Variants in DHX35 observed in about 807,000 individuals in gnomAD.
The protein encoded by DHX35 is DEAH-box helicase 35, also known as probable ATP-dependent RNA helicase DHX35.
DHX35 carries 84 observed loss-of-function variants against 99.6 expected under a neutral mutation model. The observed-to-expected ratio is 0.84, with a 90% CI of 0.71 to 1.01. The LOEUF is 1.01. DHX35 is among the 50% of genes least tolerant of loss of function. The pLI, the probability that DHX35 is intolerant of heterozygous loss-of-function variation, is 0.00. For missense variants in DHX35, 852 were observed against 888.5 expected, an observed-to-expected ratio of 0.96 and a Z score of 0.52; for synonymous variants, 331 against 316.2, an observed-to-expected ratio of 1.05 and a Z score of -0.50.
chr20:38,976,542 C>A (rs2086081855), intron 3 of DHX35, among the ~76,000 whole-genome samples: 1 of 151,068 alleles, frequency 6.6e-6, no homozygotes, highest in Non-Finnish European at 1.5e-5. Context: ...GTATAATGAT[C>A]AAATCTGGGT....
intron 5 of DHX35, among the ~76,000 whole-genome samples, chr20:38,989,439 G>T (rs1601392909): frequency 6.6e-6 from 1 of 151,894 alleles, no homozygotes; most frequent in Non-Finnish European, 1.5e-5. Context: ...AAAGAGTCCT[G>T]CAATCTTATC....
intron 3 of DHX35, among the ~76,000 whole-genome samples, chr20:38,982,313 G>A (rs1448753440): frequency 6.6e-6 from 1 of 152,212 alleles, no homozygotes; most frequent in Non-Finnish European, 1.5e-5. Context: ...CTAGATTACA[G>A]CATTTATGTA....
chr20:39,023,293 T>G (rs980618431), intron 16 of DHX35, among the ~76,000 whole-genome samples: 1 of 152,206 alleles, frequency 6.6e-6, no homozygotes, highest in South Asian at 2.1e-4. Flanking sequence ...GCAAACTAGG[T>G]CTTTCTGAAT....
intron 12 of DHX35, among the ~76,000 whole-genome samples, chr20:39,009,677 T>G (rs2086670016): frequency 6.6e-6 from 1 of 152,204 alleles, no homozygotes; most frequent in African/African-American, 2.4e-5. Flanking sequence ...CCTCCCTTTC[T>G]GCCCTTCCTG....
intron 20 of DHX35, among the ~76,000 whole-genome samples, chr20:39,032,910 C>T (rs761812816): frequency 3.7e-4 from 57 of 152,236 alleles, no homozygotes; most frequent in Non-Finnish European, 7.1e-4. Context: ...AGAAATGTTA[C>T]CCAGTGACCA....
chr20:38,996,372 A>C (rs16987738), intron 8 of DHX35, among the ~76,000 whole-genome samples: 25,867 of 152,194 alleles, frequency 0.17, 2,310 homozygotes, highest in Middle Eastern at 0.31. Flanking sequence ...GGTTGAATGA[A>C]TTTTGACTGA....
In DHX35 at chr20:39,010,398, C is replaced by G; in HGVS notation, c.1341C>G (p.Phe447Leu). The G allele has an allele frequency of 1.2e-6, 2 of 1,614,088 alleles. No homozygotes were observed. Among genetic ancestry groups the G allele is most frequent in the South Asian group, 1.1e-5 (1 of 91,068 alleles). The change falls in exon 13 of 22, where the codon TTC (phenylalanine) becomes TTG (leucine). Residue 447 changes from phenylalanine to leucine, a missense_variant. Coordinates refer to ENST00000252011, the MANE Select transcript of DHX35 (RefSeq NM_021931.4). ...TTGACAATGTCCTCAGGTTCCACTT[C>G]ATGTCGGTAAGTCCTGCCTGCTGTC... ...LGIDNVLRFHFMSPPPAQSMV... is the reference protein window; with the variant it reads ...LGIDNVLRFHLMSPPPAQSMV...
At position 39,023,651 on chromosome 20, in the gene DHX35, CAA is replaced by C. The variant is rs767308774; in HGVS notation, c.1594-37_1594-36del. 11 of 1,594,130 alleles carry C rather than the reference CAA, an allele frequency of 6.9e-6. No individual in the cohort carries two copies. In the East Asian group the frequency reaches 2.0e-4, roughly 29 times the overall value. On this transcript the variant is annotated intron_variant, in intron 16 of 21. Coordinates refer to ENST00000252011, the MANE Select transcript of DHX35 (RefSeq NM_021931.4). ...TATAGGTGTGAGCCACCACACCCAGCAAAGAGTGAAATTCTGAATGTTGCTTC... is the reference window on the plus strand; with the variant it reads ...TATAGGTGTGAGCCACCACACCCAGCAGAGTGAAATTCTGAATGTTGCTTC...
At chr20:38,981,515 T>C (rs2086171835) in intron 3 of DHX35, among the ~76,000 whole-genome samples, 1 of 152,212 alleles carries the variant, frequency 6.6e-6, no homozygotes, top group Non-Finnish European at 1.5e-5. Flanking sequence ...TCATTTTGGC[T>C]CCTGTTTTCT....
intron 20 of DHX35, among the ~76,000 whole-genome samples, chr20:39,033,349 C>A (rs964886938): frequency 2.0e-5 from 3 of 152,020 alleles, no homozygotes; most frequent in Non-Finnish European, 4.4e-5. Context: ...AAAGGCTTTT[C>A]TTTTTCTTGC....
At chr20:39,020,986 A>G (rs1443457301) in intron 15 of DHX35, among the ~76,000 whole-genome samples, 1 of 152,044 alleles carries the variant, frequency 6.6e-6, no homozygotes, top group African/African-American at 2.4e-5. Context: ...CTAAGTGTGG[A>G]CTGGGGAAGT....
intron 19 of DHX35, chr20:39,029,426 C>G (rs914169159): frequency 8.6e-5 from 13 of 150,630 alleles, no homozygotes; most frequent in African/African-American, 2.9e-4. Context: ...CAGATCTGCT[C>G]CATCTAGTAT....
intron 10 of DHX35, among the ~76,000 whole-genome samples, chr20:39,003,231 C>T (rs1039780271): frequency 1.3e-5 from 2 of 152,198 alleles, no homozygotes; most frequent in Admixed American, 6.5e-5. Flanking sequence ...ACCTTTACAG[C>T]TCATCCTGGA....
intron 20 of DHX35, among the ~76,000 whole-genome samples, chr20:39,031,368 CTG>C (rs1220379673): frequency 1.2e-3 from 180 of 147,244 alleles, no homozygotes; most frequent in African/African-American, 4.2e-3. Flanking sequence ...GAGTTTCGCT[CTG>C]TCGCCCAGGC....
At chr20:39,033,588 C>G (rs2145950312) in intron 20 of DHX35, among the ~76,000 whole-genome samples, 1 of 152,294 alleles carries the variant, frequency 6.6e-6, no homozygotes, top group South Asian at 2.1e-4. Flanking sequence ...CCTGAATTAA[C>G]ACTTTGGATG....
At chr20:39,003,607 G>C in intron 10 of DHX35, 142 bp from the exon 11 acceptor site, 1 of 910,460 alleles carries the variant, frequency 1.1e-6, no homozygotes, top group South Asian at 1.8e-5. Context: ...TACCATCCCA[G>C]AGTGGAACAT....
At chr20:38,992,514 A>G in intron 7 of DHX35, 89 bp downstream of exon 7, 1 of 1,218,928 alleles carries the variant, frequency 8.2e-7, no homozygotes, top group Non-Finnish European at 1.2e-6. Context: ...AAGTACAACA[A>G]AATACCAAGG....
At chr20:38,983,417 G>A (rs1022549201) in intron 3 of DHX35, among the ~76,000 whole-genome samples, 1 of 152,138 alleles carries the variant, frequency 6.6e-6, no homozygotes, top group African/African-American at 2.4e-5. Flanking sequence ...TGTTCCCTGA[G>A]GCATCTGTAG....
Position 39,038,517 on chromosome 20 carries a change from A to T in DHX35, c.2086A>T (p.Lys696Ter), listed in dbSNP as rs770864640. The part of the protein sequence containing the change: ...QQGTHLSLKA[K>*]RAKVQDP ...GTTGCAGCACCTGTCTCTGAAAGCC[A>T]AAAGGGCCAAGGTCCAGGACCCGTG... The change falls in exon 22 of 22, where the codon AAA becomes TAA. Residue 696 changes from lysine (K) to a stop codon, truncating the protein, a stop_gained. Coordinates refer to ENST00000252011, the MANE Select transcript of DHX35 (RefSeq NM_021931.4). LOFTEE classifies it high-confidence loss of function. 5.6e-6 allele frequency: 9 copies of T among 1,613,252 alleles called. No homozygotes were observed. Among genetic ancestry groups the T allele is most frequent in the Non-Finnish European group, 7.6e-6 (9 of 1,179,972 alleles).
Sources: allele counts gnomAD v4.1 joint callset (sites outside exome capture counted in the v4.1 genomes callset), GRCh38; gene constraint gnomAD v4.1.1; transcripts MANE v1.5; gene names NCBI Gene and HGNC (gene_info 2026-07-23, HGNC 2026-07-21).